Variants in SAMD12 observed in about 807,000 individuals in gnomAD.
SAMD12 encodes sterile alpha motif domain containing 12.
A neutral mutation model predicts 15.0 loss-of-function variants in SAMD12; 9 were observed. The ratio of observed to expected loss-of-function variants is 0.60; its 90% confidence interval spans 0.36 to 1.05. The LOEUF is 1.05. SAMD12 is among the 50% of genes least tolerant of loss of function. SAMD12 has a pLI of 0.01. For missense variants in SAMD12, 230 were observed against 234.2 expected, an observed-to-expected ratio of 0.98 and a Z score of 0.12; for synonymous variants, 86 against 90.1, an observed-to-expected ratio of 0.96 and a Z score of 0.25.
chr8:118,371,358 T>C (rs1819088450), intron 4 of SAMD12, among the ~76,000 whole-genome samples: 1 of 152,108 alleles, frequency 6.6e-6, no homozygotes, highest in Middle Eastern at 3.2e-3. Context: ...GATCAAATGA[T>C]AACTAGAATG....
At chr8:118,167,443 G>C in the SAMD12 span, among the ~76,000 whole-genome samples, 3 of 152,090 alleles carry the variant, frequency 2.0e-5, no homozygotes, top group African/African-American at 7.2e-5. Context: ...TGTCAGAAAA[G>C]ACTGCTCTGT....
At chr8:118,593,370 A>T (rs1472410500) in intron 1 of SAMD12, among the ~76,000 whole-genome samples, 1 of 152,204 alleles carries the variant, frequency 6.6e-6, no homozygotes, top group African/African-American at 2.4e-5. Context: ...AATATCTTGA[A>T]TTTACCAAGA....
intron 4 of SAMD12, among the ~76,000 whole-genome samples, chr8:118,212,177 G>A (rs1251297137): frequency 6.6e-6 from 1 of 152,042 alleles, no homozygotes; most frequent in African/African-American, 2.4e-5. Context: ...AGAATGGAGT[G>A]TAGTGGCCCT....
At chr8:118,241,246 C>A (rs2514973) in intron 4 of SAMD12, among the ~76,000 whole-genome samples, 15 of 151,954 alleles carry the variant, frequency 9.9e-5, no homozygotes, top group Non-Finnish European at 2.2e-4. Context: ...CTTCTTGGCC[C>A]AATGGTTCAT....
chr8:118,167,332 T>TGACTTGTAAGCAAGAGGAATGCAGCCC, the SAMD12 span, among the ~76,000 whole-genome samples: 1 of 152,094 alleles, frequency 6.6e-6, no homozygotes, highest in Non-Finnish European at 1.5e-5. Context: ...TCCAGGAGGC[T>TGACTTGTAAGCAAGAGGAATGCAGCCC]GACTTGTAAG....
At chr8:118,551,384 G>T (rs56234134) in intron 2 of SAMD12, among the ~76,000 whole-genome samples, 1 of 151,702 alleles carries the variant, frequency 6.6e-6, no homozygotes, top group African/African-American at 2.4e-5. Context: ...ACTCAAAACC[G>T]CTCAACTACA....
intron 1 of SAMD12, among the ~76,000 whole-genome samples, chr8:118,591,404 T>C (rs1827582172): frequency 6.6e-6 from 1 of 151,996 alleles, no homozygotes; most frequent in Non-Finnish European, 1.5e-5. Flanking sequence ...TATTACCCTA[T>C]TTTTTACACT....
chr8:118,509,265 A>G (rs1314024956), intron 2 of SAMD12, among the ~76,000 whole-genome samples: 1 of 152,162 alleles, frequency 6.6e-6, no homozygotes, highest in Non-Finnish European at 1.5e-5. Context: ...GATGTGGCCA[A>G]CTCTCCAAAA....
intron 1 of SAMD12, among the ~76,000 whole-genome samples, chr8:118,588,254 C>T (rs995937969): frequency 2.0e-5 from 3 of 152,168 alleles, no homozygotes; most frequent in Non-Finnish European, 2.9e-5. Context: ...AATACAACAA[C>T]TGTACCAGAA....
downstream of SAMD12, among the ~76,000 whole-genome samples, chr8:118,373,515 T>C (rs1443416424): frequency 6.6e-6 from 1 of 152,194 alleles, no homozygotes; most frequent in African/African-American, 2.4e-5. Flanking sequence ...GTAGTGTTTC[T>C]AATTTTTGTT....
intron 4 of SAMD12, among the ~76,000 whole-genome samples, chr8:118,248,325 C>A (rs1812742250): frequency 6.6e-6 from 1 of 152,124 alleles, no homozygotes; most frequent in Admixed American, 6.5e-5. Flanking sequence ...CTTCATTATG[C>A]CACATTACAC....
chr8:118,609,029 C>G (rs1828045612), intron 1 of SAMD12, among the ~76,000 whole-genome samples: 1 of 152,132 alleles, frequency 6.6e-6, no homozygotes, highest in African/African-American at 2.4e-5. Flanking sequence ...AAATAAAGAT[C>G]CCAAACATTT....
intron 1 of SAMD12, among the ~76,000 whole-genome samples, chr8:118,596,130 GACAC>G (rs757615368): frequency 2.7e-4 from 41 of 152,310 alleles, no homozygotes; most frequent in Non-Finnish European, 5.1e-4. Context: ...CCCAGAATAA[GACAC>G]ACACTTTGTT....
At chr8:118,598,317 G>C (rs377082434) in intron 1 of SAMD12, among the ~76,000 whole-genome samples, 219 of 152,298 alleles carry the variant, frequency 1.4e-3, no homozygotes, top group Non-Finnish European at 2.7e-3. Context: ...TAATAAAGCT[G>C]TAAGGGTGGG....
intron 3 of SAMD12, among the ~76,000 whole-genome samples, chr8:118,407,873 A>G (rs1172796361): frequency 4.6e-5 from 7 of 152,052 alleles, no homozygotes; most frequent in Admixed American, 1.3e-4. Flanking sequence ...TTTAATCTCA[A>G]TCCTACTCTC....
At chr8:118,230,319 A>G (rs1812279848) in intron 4 of SAMD12, among the ~76,000 whole-genome samples, 1 of 152,192 alleles carries the variant, frequency 6.6e-6, no homozygotes, top group Admixed American at 6.5e-5. Context: ...CAGATATTGA[A>G]GCGGGATTCT....
the SAMD12 span, among the ~76,000 whole-genome samples, chr8:118,135,691 T>A: frequency 6.6e-6 from 1 of 152,310 alleles, no homozygotes; most frequent in South Asian, 2.1e-4. Context: ...CATAGGCATG[T>A]GCCAGCATGC....
At chr8:118,549,192 C>T (rs906451641) in intron 2 of SAMD12, among the ~76,000 whole-genome samples, 1 of 152,250 alleles carries the variant, frequency 6.6e-6, no homozygotes, top group Non-Finnish European at 1.5e-5. Context: ...TCCCAGCACA[C>T]AGCTGGAGAT....
At chr8:118,591,417 C>T (rs930013629) in intron 1 of SAMD12, among the ~76,000 whole-genome samples, 4 of 152,124 alleles carry the variant, frequency 2.6e-5, no homozygotes, top group African/African-American at 9.7e-5. Context: ...TTTACACTCA[C>T]ATTATTATTG....
Sources: allele counts gnomAD v4.1 joint callset (sites outside exome capture counted in the v4.1 genomes callset), GRCh38; gene constraint gnomAD v4.1.1; transcripts MANE v1.5; gene names NCBI Gene and HGNC (gene_info 2026-07-23, HGNC 2026-07-21).